Variants in PTGER3 observed in about 807,000 individuals in gnomAD.
The protein encoded by PTGER3 is prostaglandin E receptor 3, also known as prostaglandin E2 receptor EP3 subtype.
PTGER3 carries 22 observed loss-of-function variants against 34.7 expected under a neutral mutation model. That is an observed-to-expected ratio of 0.63 (90% CI 0.45 to 0.91). The LOEUF (loss-of-function observed/expected upper bound fraction) is 0.91, where lower values mean the gene tolerates loss of function less well. Among genes scored for constraint, PTGER3 ranks in the 40% least tolerant of loss-of-function variants. The pLI, the probability that PTGER3 is intolerant of heterozygous loss-of-function variation, is 0.00. For synonymous variants in PTGER3, 241 were observed against 230.1 expected (o/e 1.05, Z -0.43); for missense variants, 468 against 519.4 (o/e 0.90, Z 0.96).
At chr1:71,044,972 C>A (rs1383117465) in intron 1 of PTGER3, among the ~76,000 whole-genome samples, 1 of 152,192 alleles carries the variant, frequency 6.6e-6, no homozygotes, top group Non-Finnish European at 1.5e-5. Context: ...AGAACTCTTT[C>A]TTCCTTCCTA....
chr1:70,977,374 G>C (rs1653808410), intron 2 of PTGER3, among the ~76,000 whole-genome samples: 3 of 151,978 alleles, frequency 2.0e-5, no homozygotes, highest in Admixed American at 2.0e-4. Flanking sequence ...CACTATGCTA[G>C]TTTGTCTACG....
intron 4 of PTGER3, among the ~76,000 whole-genome samples, chr1:70,921,478 G>A (rs1647517741): frequency 1.3e-5 from 2 of 152,068 alleles, no homozygotes; most frequent in Non-Finnish European, 2.9e-5. Context: ...GATTTGTGAG[G>A]CTAGTCATAG....
At chr1:70,878,183 T>C (rs1331643679) in intron 4 of PTGER3, among the ~76,000 whole-genome samples, 1 of 152,186 alleles carries the variant, frequency 6.6e-6, no homozygotes, top group Non-Finnish European at 1.5e-5. Flanking sequence ...TTCAGTTTCT[T>C]CCTAGTTCAA....
At chr1:71,010,658 G>A (rs1657358156) in intron 2 of PTGER3, 1 of 984,218 alleles carries the variant, frequency 1.0e-6, no homozygotes, top group Non-Finnish European at 1.2e-6. Context: ...TGACCTACAG[G>A]ATAATCCAAT....
chr1:70,854,461 A>C (rs1222787285), intron 4 of PTGER3, among the ~76,000 whole-genome samples: 1 of 152,130 alleles, frequency 6.6e-6, no homozygotes, highest in African/African-American at 2.4e-5. Flanking sequence ...TCCCCACCCA[A>C]ATCTCATGTC....
At chr1:70,884,615 C>A (rs1052583280) in intron 4 of PTGER3, among the ~76,000 whole-genome samples, 10 of 152,158 alleles carry the variant, frequency 6.6e-5, no homozygotes, top group African/African-American at 2.4e-4. Flanking sequence ...GAGCTGAAGA[C>A]CAAGCTAATG....
chr1:71,031,929 C>A (rs1167238218), intron 1 of PTGER3, among the ~76,000 whole-genome samples: 1 of 152,140 alleles, frequency 6.6e-6, no homozygotes, highest in Non-Finnish European at 1.5e-5. Flanking sequence ...AAAATGTTCC[C>A]TAATGTCTTT....
At position 70,971,290 on chromosome 1, in the gene PTGER3, T is replaced by G. The variant is rs1249537664; in HGVS notation, c.*440A>C. The G allele has an allele frequency of 1.0e-6, 1 of 986,720 alleles. No individual in the cohort carries two copies. Among genetic ancestry groups the G allele is most frequent in the Admixed American group, 6.1e-5 (1 of 16,302 alleles). The allele number at this position is 986,720 out of a possible 1,614,324, so 61.1% of individuals were successfully genotyped here. On this transcript the variant is annotated 3_prime_UTR_variant, in exon 4 of 4. Coordinates refer to ENST00000306666, the MANE Select transcript of PTGER3 (RefSeq NM_198719.2). The stretch of plus-strand genomic sequence containing the variant: ...CATATCCTATTAATTGAATTATCAC[T>G]CTCAATATGTTGACTTTTCACCATC...
In PTGER3 at chr1:70,892,044, A is replaced by G. The variant is rs556745418; in HGVS notation, c.*24-39185T>C. On this transcript the variant is annotated intron_variant, in intron 4 of 4. Coordinates refer to the PTGER3 transcript ENST00000370931. ...GTTGAAAGGGCTTCCTAGACCAGCT[A>G]CTTACCTCTTTATAATTATCTAGGA... is the stretch of plus-strand genomic sequence containing the variant. Among the ~76,000 whole-genome samples the G allele has an allele frequency of 5.9e-5, 9 of 152,328 alleles. No homozygotes were observed. In the South Asian group the frequency reaches 1.4e-3, roughly 25 times the overall value.
intron 4 of PTGER3, chr1:70,865,812 T>A: frequency 7.3e-7 from 1 of 1,364,628 alleles, no homozygotes; most frequent in South Asian, 1.1e-5. Context: ...TCAATCACAG[T>A]AGAGGTGGGA....
intron 1 of PTGER3, among the ~76,000 whole-genome samples, chr1:71,022,841 C>T (rs1168651998): frequency 6.6e-6 from 1 of 151,808 alleles, no homozygotes; most frequent in African/African-American, 2.4e-5. Flanking sequence ...TTTCCTTCCT[C>T]TTATTTGACT....
At chr1:70,897,752 C>A (rs762207260) in intron 4 of PTGER3, among the ~76,000 whole-genome samples, 6 of 152,168 alleles carry the variant, frequency 3.9e-5, no homozygotes, top group East Asian at 1.9e-4. Context: ...CTCAGTCAAC[C>A]CTTCAGCACC....
intron 2 of PTGER3, among the ~76,000 whole-genome samples, chr1:70,959,591 C>T (rs1440131397): frequency 6.6e-6 from 1 of 152,110 alleles, no homozygotes; most frequent in African/African-American, 2.4e-5. Flanking sequence ...GAACTCCTGA[C>T]CTCGAATGAT....
At chr1:70,970,041 A>T (rs142884572), downstream of PTGER3, among the ~76,000 whole-genome samples, 803 of 152,242 alleles carry the variant, frequency 5.3e-3, 4 homozygotes, top group Admixed American at 8.4e-3. Flanking sequence ...TTCCAAACTC[A>T]TGCTTCTGTT....
intron 2 of PTGER3, among the ~76,000 whole-genome samples, chr1:70,997,932 C>G (rs561344565): frequency 6.6e-6 from 1 of 152,296 alleles, no homozygotes; most frequent in Admixed American, 6.5e-5. Context: ...CAGCAAACTC[C>G]CTAGTGGTTT....
intron 4 of PTGER3, among the ~76,000 whole-genome samples, chr1:70,922,152 G>T (rs190649403): frequency 6.6e-6 from 1 of 152,240 alleles, no homozygotes; most frequent in African/African-American, 2.4e-5. Flanking sequence ...CTTCCTTGGA[G>T]ATATCAGATT....
At chr1:70,862,678 G>C (rs116717158) in intron 4 of PTGER3, among the ~76,000 whole-genome samples, 2 of 152,110 alleles carry the variant, frequency 1.3e-5, no homozygotes, top group Non-Finnish European at 2.9e-5. Flanking sequence ...GAGGAACAAA[G>C]CTTTTTGTTT....
intron 2 of PTGER3, among the ~76,000 whole-genome samples, chr1:70,991,528 C>T (rs1655480974): frequency 1.3e-5 from 2 of 152,288 alleles, no homozygotes; most frequent in Non-Finnish European, 2.9e-5. Flanking sequence ...GAGACCCTGA[C>T]ACCAGTCCTT....
intron 4 of PTGER3, among the ~76,000 whole-genome samples, chr1:70,917,048 C>A (rs1196791128): frequency 6.6e-6 from 1 of 151,946 alleles, no homozygotes; most frequent in African/African-American, 2.4e-5. Flanking sequence ...AAAATCTTCT[C>A]TCTTCTAGTT....
Sources: allele counts gnomAD v4.1 joint callset (sites outside exome capture counted in the v4.1 genomes callset), GRCh38; gene constraint gnomAD v4.1.1; transcripts MANE v1.5; gene names NCBI Gene and HGNC (gene_info 2026-07-23, HGNC 2026-07-21).